The following SHISA5 variants were observed in gnomAD, a reference collection of about 807,000 sequenced individuals.
SHISA5 encodes protein shisa-5.
In SHISA5, 21 loss-of-function variants were observed where a neutral mutation model predicts 27.5. The observed-to-expected ratio is 0.76, with a 90% CI of 0.54 to 1.10. The LOEUF (loss-of-function observed/expected upper bound fraction) is 1.10. Among genes scored for constraint, SHISA5 ranks in the 50% least tolerant of loss-of-function variants. SHISA5 has a pLI of 0.00. For synonymous variants in SHISA5, 137 were observed against 142.2 expected (o/e 0.96, Z 0.26); for missense variants, 314 against 336.3 (o/e 0.93, Z 0.52).
intron 3 of SHISA5, among the ~76,000 whole-genome samples, chr3:48,471,773 G>A (rs185722470): frequency 1.4e-4 from 22 of 152,100 alleles, no homozygotes; most frequent in Non-Finnish European, 2.8e-4. Context: ...AGCTACTTGG[G>A]AGGCTAAGGC....
intron 2 of SHISA5, among the ~76,000 whole-genome samples, chr3:48,488,264 T>TTG (rs1575323814): frequency 2.7e-5 from 4 of 146,868 alleles, no homozygotes; most frequent in Admixed American, 2.1e-4. Context: ...TTTTTTTTTT[T>TTG]GTGAGACAGA....
At chr3:48,503,062 C>A in intron 1 of SHISA5, 1 of 1,265,160 alleles carries the variant, frequency 7.9e-7, no homozygotes, top group Non-Finnish European at 1.0e-6. Flanking sequence ...GAGGATTGGA[C>A]CATTGACAAG....
Position 48,504,105 on chromosome 3 carries a change from G to GCGGAAGGGCGGA in SHISA5, c.-12_-11insTCCGCCCTTCCG. On this transcript the variant is annotated 5_prime_UTR_variant, in exon 1 of 6. Coordinates refer to ENST00000296444, the MANE Select transcript of SHISA5 (RefSeq NM_016479.6). This position sits in a 1 kb window ranked among gnomAD's most constrained non-coding sequence, Gnocchi z 4.0. The stretch of plus-strand genomic sequence containing the variant: ...GACCGGCGCAGTCATGGCTGGGCGG[G>GCGGAAGGGCGGA]CGGACGGGCGGACGGACGCGAGCGC... 8.0e-7 allele frequency: 1 copy of GCGGAAGGGCGGA among 1,253,668 alleles called. No individual in the cohort carries two copies. The highest frequency in any genetic ancestry group is 1.0e-6 in the Non-Finnish European group (1 of 973,808). The allele number at this position is 1,253,668 out of a possible 1,614,324, so 77.7% of individuals were successfully genotyped here.
intron 2 of SHISA5, among the ~76,000 whole-genome samples, chr3:48,485,540 ATT>A (rs1491289985): frequency 2.9e-5 from 4 of 138,816 alleles, no homozygotes; most frequent in Non-Finnish European, 4.7e-5. Flanking sequence ...AAATATATAT[ATT>A]ATATATATAA....
intron 1 of SHISA5, chr3:48,503,794 C>A: frequency 8.0e-7 from 1 of 1,253,154 alleles, no homozygotes; most frequent in East Asian, 3.2e-5. Flanking sequence ...CCAGGACAGA[C>A]AAAGGTGGCA....
At chr3:48,479,474 G>A (rs2040932995) in intron 2 of SHISA5, 1 of 558,038 alleles carries the variant, frequency 1.8e-6, no homozygotes, top group Admixed American at 3.1e-5. Context: ...GAGAACATAT[G>A]TTAGGCCACA....
At position 48,482,928 on chromosome 3, in the gene SHISA5, C is replaced by T. The variant is rs529071826; in HGVS notation, c.234-3671G>A. Among the ~76,000 whole-genome samples the T allele has an allele frequency of 3.9e-5, 6 of 151,936 alleles. No individual in the cohort carries two copies. In the East Asian group the frequency reaches 5.8e-4, roughly 15 times the overall value. ...GATTACAGGTGTGAGCCACCGTGCCCGGCCTTTTTCTCTTTGACACAGGGT... is the reference window on the plus strand; with the variant it reads ...GATTACAGGTGTGAGCCACCGTGCCTGGCCTTTTTCTCTTTGACACAGGGT... On this transcript the variant is annotated intron_variant, in intron 2 of 5. Coordinates refer to ENST00000296444, the MANE Select transcript of SHISA5 (RefSeq NM_016479.6).
upstream of SHISA5, chr3:48,504,261 G>A (rs2041840559): frequency 5.4e-6 from 2 of 373,750 alleles, no homozygotes; most frequent in Admixed American, 4.6e-5. The surrounding 1 kb of genome is among the most constrained non-coding windows in gnomAD (Gnocchi z 4.0). Context: ...GAGGAGGAGG[G>A]AGGAGGGAGG....
chr3:48,486,292 ATATAT>A (rs1203798052), intron 2 of SHISA5, among the ~76,000 whole-genome samples: 21 of 98,048 alleles, frequency 2.1e-4, no homozygotes, highest in Non-Finnish European at 3.4e-4. Flanking sequence ...ATAATGTATT[ATATAT>A]TATATATTAT....
intron 2 of SHISA5, among the ~76,000 whole-genome samples, chr3:48,489,428 T>C (rs1413343505): frequency 6.8e-6 from 1 of 147,906 alleles, no homozygotes; most frequent in African/African-American, 2.5e-5. Flanking sequence ...TTCACGCCAT[T>C]CCTGCCTCAG....
chr3:48,488,003 A>G (rs1575323656), intron 2 of SHISA5, among the ~76,000 whole-genome samples: 1 of 152,196 alleles, frequency 6.6e-6, no homozygotes, highest in Admixed American at 6.6e-5. Context: ...AAACAATTAT[A>G]CCCTAATACA....
chr3:48,484,432 C>T (rs1443933784), intron 2 of SHISA5, among the ~76,000 whole-genome samples: 1 of 151,878 alleles, frequency 6.6e-6, no homozygotes, highest in Non-Finnish European at 1.5e-5. Flanking sequence ...CCTGTCTCTA[C>T]TAAAAATACA....
chr3:48,484,900 A>G (rs2041146817), intron 2 of SHISA5, among the ~76,000 whole-genome samples: 1 of 152,132 alleles, frequency 6.6e-6, no homozygotes, highest in Non-Finnish European at 1.5e-5. Flanking sequence ...TCTCAAAAAA[A>G]GAAATCTGAG....
In SHISA5 at chr3:48,484,520, C is replaced by G. The variant is rs1011945773; in HGVS notation, c.234-5263G>C. Among the ~76,000 whole-genome samples the G allele has an allele frequency of 2.0e-5, 3 of 151,824 alleles. No homozygotes were observed. In the East Asian group the frequency reaches 5.8e-4, roughly 29 times the overall value. ...CGGAGACAGGAGAATTGCTTGAACC[C>G]AGGAGGCGGAGGTTGCAGTGAGCTG... On this transcript the variant is annotated intron_variant, in intron 2 of 5. Transcript: ENST00000296444.
At chr3:48,487,134 A>G (rs979538519) in intron 2 of SHISA5, among the ~76,000 whole-genome samples, 14 of 151,706 alleles carry the variant, frequency 9.2e-5, no homozygotes, top group Non-Finnish European at 2.1e-4. Context: ...GCACACGCAC[A>G]CACACACACA....
chr3:48,479,325 AG>A, intron 2 of SHISA5, 68 bp from the exon 3 acceptor site: 1 of 1,449,486 alleles, frequency 6.9e-7, no homozygotes, highest in Non-Finnish European at 9.4e-7. Flanking sequence ...ACACTACCTT[AG>A]GGCACCACAA....
At chr3:48,476,215 C>T (rs1274428284) in intron 3 of SHISA5, among the ~76,000 whole-genome samples, 1 of 152,070 alleles carries the variant, frequency 6.6e-6, no homozygotes, top group Non-Finnish European at 1.5e-5. Context: ...GTGGCCGGCA[C>T]CTGTAATCCC....
At chr3:48,496,587 A>T (rs2041559244) in intron 2 of SHISA5, among the ~76,000 whole-genome samples, 2 of 151,604 alleles carry the variant, frequency 1.3e-5, no homozygotes, top group Admixed American at 1.3e-4. Flanking sequence ...AAAAAAATTT[A>T]GCTGGGCGAG....
chr3:48,479,080 A>T, intron 3 of SHISA5, 97 bp downstream of exon 3: 1 of 1,117,190 alleles, frequency 9.0e-7, no homozygotes, highest in Non-Finnish European at 1.3e-6. Context: ...CACCCCAATG[A>T]CCGAATCATC....
Sources: allele counts gnomAD v4.1 joint callset (sites outside exome capture counted in the v4.1 genomes callset), GRCh38; gene constraint gnomAD v4.1.1; non-coding constraint Gnocchi (gnomAD v3.1); transcripts MANE v1.5; gene names NCBI Gene and HGNC (gene_info 2026-07-23, HGNC 2026-07-21).